Variants in RBFOX1 observed in about 807,000 individuals in gnomAD.
RBFOX1 encodes RNA binding protein fox-1 homolog 1.
A neutral mutation model predicts 57.7 loss-of-function variants in RBFOX1; 8 were observed. That is an observed-to-expected ratio of 0.14 (90% CI 0.08 to 0.25). The LOEUF (loss-of-function observed/expected upper bound fraction) is 0.25. RBFOX1 is among the 10% of genes least tolerant of loss of function. The pLI, the probability that RBFOX1 is intolerant of heterozygous loss-of-function variation, is 1.00. For synonymous variants in RBFOX1, 326 were observed against 222.4 expected, an observed-to-expected ratio of 1.47 and a Z score of -4.15; for missense variants, 611 against 548.5, an observed-to-expected ratio of 1.11 and a Z score of -1.14.
chr16:5,887,094 A>G (rs1463681113), intron 4 of RBFOX1, among the ~76,000 whole-genome samples: 1 of 152,180 alleles, frequency 6.6e-6, no homozygotes, highest in East Asian at 1.9e-4. Context: ...TGTGACAACC[A>G]AAAATGTTTC....
At chr16:7,437,268 T>G (rs2098730273) in intron 4 of RBFOX1, among the ~76,000 whole-genome samples, 3 of 144,370 alleles carry the variant, frequency 2.1e-5, no homozygotes, top group African/African-American at 2.5e-5. Context: ...CCCCTTTCTG[T>G]TATATTAAAT....
intron 4 of RBFOX1, among the ~76,000 whole-genome samples, chr16:7,148,526 G>A (rs564880420): frequency 2.6e-5 from 4 of 152,292 alleles, no homozygotes; most frequent in East Asian, 1.9e-4. Context: ...ACATATTAAG[G>A]CCGCAGTGCC....
intron 3 of RBFOX1, among the ~76,000 whole-genome samples, chr16:6,889,255 C>T (rs889292928): frequency 3.3e-5 from 5 of 152,278 alleles, no homozygotes; most frequent in African/African-American, 1.2e-4. Context: ...CCATTCTTGC[C>T]CCCGTTAGCC....
intron 4 of RBFOX1, among the ~76,000 whole-genome samples, chr16:7,203,053 T>G (rs545409993): frequency 6.6e-6 from 1 of 152,218 alleles, no homozygotes. Context: ...CCCAAAGTGC[T>G]GGGATTACAG....
At chr16:5,656,907 G>C (rs2049448747) in intron 3 of RBFOX1, among the ~76,000 whole-genome samples, 1 of 152,124 alleles carries the variant, frequency 6.6e-6, no homozygotes, top group East Asian at 1.9e-4. Flanking sequence ...ACAGGGAGGG[G>C]AACATCACAC....
At chr16:7,557,800 G>C (rs1431791657) in intron 5 of RBFOX1, among the ~76,000 whole-genome samples, 3 of 151,940 alleles carry the variant, frequency 2.0e-5, no homozygotes, top group African/African-American at 7.3e-5. Flanking sequence ...GAAGGAGCGG[G>C]AGAGGGCTCC....
At chr16:7,393,268 C>G (rs567139058) in intron 4 of RBFOX1, among the ~76,000 whole-genome samples, 1 of 152,298 alleles carries the variant, frequency 6.6e-6, no homozygotes, top group Non-Finnish European at 1.5e-5. Context: ...CATGCAGGAT[C>G]TCACTTCAGA....
chr16:6,741,265 C>T (rs1296970013), intron 3 of RBFOX1, among the ~76,000 whole-genome samples: 1 of 152,062 alleles, frequency 6.6e-6, no homozygotes, highest in Non-Finnish European at 1.5e-5. Flanking sequence ...AAACATAAAA[C>T]TATAAAACTT....
intron 1 of RBFOX1, among the ~76,000 whole-genome samples, chr16:5,349,676 G>GA (rs530979428): frequency 3.4e-4 from 50 of 149,088 alleles, no homozygotes; most frequent in Non-Finnish European, 6.0e-4. Flanking sequence ...TGTCTGGGAA[G>GA]AAAAAAAAAA....
chr16:7,061,508 C>T (rs927914833), intron 4 of RBFOX1, among the ~76,000 whole-genome samples: 3 of 152,138 alleles, frequency 2.0e-5, no homozygotes, highest in African/African-American at 4.8e-5. Context: ...TTATAATTCA[C>T]ATATATGTTA....
chr16:6,608,368 C>T (rs17140749), intron 2 of RBFOX1, among the ~76,000 whole-genome samples: 8,105 of 152,260 alleles, frequency 0.053, 537 homozygotes, highest in East Asian at 0.22. Context: ...TTGTTCACCT[C>T]TTTGTGGGTT....
rs74769852 is a variant in RBFOX1 at position 6,456,748 on chromosome 16, C to G, written c.-64+139691C>G. Among the ~76,000 whole-genome samples, 448 of 152,082 alleles carry G rather than the reference C, an allele frequency of 2.9e-3. 9 individuals carry two copies. The East Asian group carries it at 0.034, about 11-fold the overall frequency. On this transcript the variant is annotated intron_variant, in intron 2 of 15. Coordinates refer to ENST00000550418, the MANE Select transcript of RBFOX1 (RefSeq NM_018723.4). Reference sequence around the variant, plus strand: ...AAGACAACTGAATGGATCCGTGAGACACAGAGCAAGATAAACTATTTAACT... The same window carrying G: ...AAGACAACTGAATGGATCCGTGAGAGACAGAGCAAGATAAACTATTTAACT...
chr16:6,244,956 G>A (rs893831370), intron 1 of RBFOX1, among the ~76,000 whole-genome samples: 3 of 149,426 alleles, frequency 2.0e-5, no homozygotes, highest in African/African-American at 7.6e-5. Flanking sequence ...GTTTTGTTTT[G>A]TTTTTCGTTC....
chr16:5,844,586 C>G (rs1472292634), intron 3 of RBFOX1, among the ~76,000 whole-genome samples: 1 of 151,926 alleles, frequency 6.6e-6, no homozygotes, highest in African/African-American at 2.4e-5. Context: ...TGTGCTGTGT[C>G]CAAGGGAAAA....
Position 7,325,088 on chromosome 16 carries a change from G to T in RBFOX1, c.28-193059G>T, listed in dbSNP as rs566579014. Among the ~76,000 whole-genome samples the T allele has an allele frequency of 2.0e-4, 31 of 152,298 alleles. 1 individual carries two copies. In the Middle Eastern group the frequency reaches 0.01, roughly 50 times the overall value. Reference sequence around the variant, plus strand: ...TTCATTTGAGCAATTAGCGGTTGAAGGGAGGAAGAGTTTTGATATCCCTGG... The same window carrying T: ...TTCATTTGAGCAATTAGCGGTTGAATGGAGGAAGAGTTTTGATATCCCTGG... On this transcript the variant is annotated intron_variant, in intron 4 of 15. Transcript: ENST00000550418.
At chr16:6,784,019 C>G (rs940190581) in intron 3 of RBFOX1, among the ~76,000 whole-genome samples, 2 of 152,078 alleles carry the variant, frequency 1.3e-5, no homozygotes, top group Non-Finnish European at 2.9e-5. Context: ...AACATTTGGA[C>G]TTCTTTATAT....
chr16:7,182,799 T>G (rs2076667060), intron 4 of RBFOX1, among the ~76,000 whole-genome samples: 3 of 152,152 alleles, frequency 2.0e-5, no homozygotes, highest in Admixed American at 2.0e-4. Context: ...ACTAAATCCC[T>G]TAGAAATGCC....
chr16:5,538,123 T>A (rs1020150147), intron 2 of RBFOX1, among the ~76,000 whole-genome samples: 1 of 152,084 alleles, frequency 6.6e-6, no homozygotes, highest in Non-Finnish European at 1.5e-5. Context: ...AGCAGGAACA[T>A]TGAGGAGACA....
chr16:7,417,536 G>GTGTT (rs564035148), intron 4 of RBFOX1, among the ~76,000 whole-genome samples: 325 of 150,856 alleles, frequency 2.2e-3, no homozygotes, highest in Admixed American at 7.3e-3. Flanking sequence ...TATTGTGTGT[G>GTGTT]TGTGTGTGTG....
Sources: allele counts gnomAD v4.1 joint callset (sites outside exome capture counted in the v4.1 genomes callset), GRCh38; gene constraint gnomAD v4.1.1; transcripts MANE v1.5; gene names NCBI Gene and HGNC (gene_info 2026-07-23, HGNC 2026-07-21).